The following ARHGAP44 variants were observed in gnomAD, a reference collection of about 807,000 sequenced individuals.
ARHGAP44 encodes the protein Rho GTPase activating protein 44, also known as rho GTPase-activating protein 44.
ARHGAP44 carries 43 observed loss-of-function variants against 106.8 expected under a neutral mutation model. The ratio of observed to expected loss-of-function variants is 0.40; its 90% CI spans 0.32 to 0.52. ARHGAP44 has a LOEUF of 0.52. ARHGAP44 is among the 20% of genes least tolerant of loss of function. The pLI is 0.48. For missense variants in ARHGAP44, 866 were observed against 1,050.5 expected, an observed-to-expected ratio of 0.82 and a Z score of 2.43; for synonymous variants, 439 against 410.3, an observed-to-expected ratio of 1.07 and a Z score of -0.85.
At chr17:12,921,968 T>C (rs73290453) in intron 6 of ARHGAP44, among the ~76,000 whole-genome samples, 2,920 of 152,284 alleles carry the variant, frequency 0.019, 89 homozygotes, top group African/African-American at 0.067. Context: ...TTTCTTTGGT[T>C]AACTTACTTG....
chr17:12,822,016 C>G (rs1220614640), intron 1 of ARHGAP44, among the ~76,000 whole-genome samples: 3 of 152,098 alleles, frequency 2.0e-5, no homozygotes, highest in African/African-American at 7.2e-5. Flanking sequence ...GCTCTAGGTG[C>G]CAATTCTAGT....
chr17:12,909,084 G>T (rs1383378226), intron 4 of ARHGAP44, 111 bp downstream of exon 4: 1 of 901,700 alleles, frequency 1.1e-6, no homozygotes, highest in Non-Finnish European at 1.7e-6. Flanking sequence ...GGGGACTTTA[G>T]TGGAAAAAAG....
chr17:12,876,506 A>C (rs2036559857), intron 1 of ARHGAP44, among the ~76,000 whole-genome samples: 1 of 152,226 alleles, frequency 6.6e-6, no homozygotes, highest in African/African-American at 2.4e-5. Context: ...GTAAAGTGCC[A>C]GCAGAACACC....
chr17:12,860,856 C>CTTTTTT (rs71144929), intron 1 of ARHGAP44, among the ~76,000 whole-genome samples: 31 of 135,832 alleles, frequency 2.3e-4, no homozygotes, highest in African/African-American at 7.0e-4. Context: ...TTTTTCTATT[C>CTTTTTT]TTTTTTTTTT....
At chr17:12,903,136 AGAGAGT>A (rs2037439963) in intron 3 of ARHGAP44, among the ~76,000 whole-genome samples, 3 of 118,622 alleles carry the variant, frequency 2.5e-5, no homozygotes, top group African/African-American at 6.4e-5. Context: ...GGAGAGAGAG[AGAGAGT>A]GTGTGTGTGT....
intron 3 of ARHGAP44, among the ~76,000 whole-genome samples, chr17:12,904,267 T>G (rs2037480208): frequency 6.6e-6 from 1 of 152,078 alleles, no homozygotes; most frequent in Non-Finnish European, 1.5e-5. Context: ...CCACCATGCC[T>G]GGCTCATTTT....
intron 1 of ARHGAP44, among the ~76,000 whole-genome samples, chr17:12,855,925 G>C (rs1243966802): frequency 3.9e-5 from 6 of 152,154 alleles, no homozygotes; most frequent in African/African-American, 1.4e-4. Context: ...TTGTGGTCGA[G>C]CTCCAGGTAA....
At chr17:12,941,012 A>T (rs1567698823) in intron 7 of ARHGAP44, 44 bp from the exon 8 acceptor site, 1 of 1,577,998 alleles carries the variant, frequency 6.3e-7, no homozygotes, top group African/African-American at 1.3e-5. Context: ...GCCACTCTCC[A>T]TTGGTTTATG....
At chr17:12,808,003 A>C (rs968588344) in intron 1 of ARHGAP44, among the ~76,000 whole-genome samples, 10 of 152,250 alleles carry the variant, frequency 6.6e-5, no homozygotes, top group African/African-American at 2.4e-4. Flanking sequence ...TGACCAAGAC[A>C]AAAAGGCTAC....
chr17:12,891,888 C>T (rs951343892), intron 1 of ARHGAP44, among the ~76,000 whole-genome samples: 4 of 152,038 alleles, frequency 2.6e-5, no homozygotes, highest in African/African-American at 9.6e-5. Context: ...TCTGCCTCCC[C>T]AGGTTCAAGC....
At chr17:12,862,737 A>G (rs1313620412) in intron 1 of ARHGAP44, among the ~76,000 whole-genome samples, 2 of 152,156 alleles carry the variant, frequency 1.3e-5, no homozygotes, top group Non-Finnish European at 2.9e-5. Context: ...GCTCAGGCCT[A>G]TAATCCCAGT....
intron 16 of ARHGAP44, among the ~76,000 whole-genome samples, chr17:12,967,809 C>A (rs1232201271): frequency 6.6e-6 from 1 of 152,190 alleles, no homozygotes; most frequent in Non-Finnish European, 1.5e-5. Flanking sequence ...CATGCCATTT[C>A]ATCTCCAGCA....
chr17:12,933,184 C>G (rs528399656), intron 7 of ARHGAP44, among the ~76,000 whole-genome samples: 1 of 152,196 alleles, frequency 6.6e-6, no homozygotes, highest in Non-Finnish European at 1.5e-5. Flanking sequence ...TGGGTTTCCT[C>G]GAATGGGTTA....
intron 1 of ARHGAP44, among the ~76,000 whole-genome samples, chr17:12,795,846 G>A (rs1433168033): frequency 2.0e-5 from 3 of 152,044 alleles, no homozygotes; most frequent in Non-Finnish European, 4.4e-5. Context: ...ACCGCCTTTG[G>A]GAAGCTTGTG....
chr17:12,989,976 G>A, intron 20 of ARHGAP44, 56 bp from the exon 21 acceptor site: 1 of 1,584,222 alleles, frequency 6.3e-7, no homozygotes, highest in South Asian at 1.1e-5. Flanking sequence ...CTACAACTAG[G>A]TTCTCATTTG....
chr17:12,905,825 T>G (rs923240309), intron 3 of ARHGAP44, among the ~76,000 whole-genome samples: 7 of 152,344 alleles, frequency 4.6e-5, no homozygotes, highest in Middle Eastern at 3.4e-3. Context: ...CAGAATGGTC[T>G]TTTTATGTGA....
chr17:12,882,364 TA>T (rs1478540646), intron 1 of ARHGAP44, among the ~76,000 whole-genome samples: 1 of 152,134 alleles, frequency 6.6e-6, no homozygotes, highest in African/African-American at 2.4e-5. Context: ...TTCTGTAGAT[TA>T]CTTTGGATTA....
At chr17:12,838,243 T>C (rs1403401098) in intron 1 of ARHGAP44, among the ~76,000 whole-genome samples, 1 of 152,096 alleles carries the variant, frequency 6.6e-6, no homozygotes, top group African/African-American at 2.4e-5. Context: ...TCCCAGAAAA[T>C]ATAGTAAGAA....
In ARHGAP44 at chr17:12,943,639, G is replaced by A; in HGVS notation, c.703G>A (p.Ala235Thr). ...CAGGAAGTCCCTGACACTATTGCAG[G>A]CTGTATTGCCTCAGATCAAAGCACA... Reference protein sequence around the residue: ...YHRKSLTLLQAVLPQIKAQQE... With the variant: ...YHRKSLTLLQTVLPQIKAQQE... Residue 235 changes from alanine to threonine, a missense_variant, in exon 9 of 21, where the codon GCT becomes ACT. Physicochemically the swap from Ala to Thr is moderately conservative, Grantham distance 58 (BLOSUM62 0). Transcript: ENST00000379672. The A allele has an allele frequency of 6.2e-7, 1 of 1,613,876 alleles. No homozygotes were observed. Among genetic ancestry groups the A allele is most frequent in the East Asian group, 2.2e-5 (1 of 44,868 alleles).
Sources: gnomAD v4.1 joint callset for allele counts (sites outside exome capture counted in the v4.1 genomes callset) on GRCh38, gnomAD v4.1.1 for gene constraint, MANE v1.5 for transcripts, NCBI Gene and HGNC (gene_info 2026-07-23, HGNC 2026-07-21) for gene names.